YPEL2: variants seen among roughly 807,000 people sequenced by gnomAD.
The protein encoded by YPEL2 is protein yippee-like 2.
A neutral mutation model predicts 19.1 loss-of-function variants in YPEL2; 2 were observed. The observed-to-expected ratio is 0.10, with a 90% CI of 0.04 to 0.33. YPEL2 has a LOEUF of 0.33. Ranked by LOEUF, YPEL2 falls within the 10% of genes least tolerant of loss-of-function variation. The pLI, the probability that YPEL2 is intolerant of heterozygous loss-of-function variation, is 1.00. For missense variants in YPEL2, 66 were observed against 140.7 expected (o/e 0.47, Z 2.68); for synonymous variants, 52 against 50.0 (o/e 1.04, Z -0.17).
At chr17:59,382,460 A>G (rs561163754) in intron 2 of YPEL2, among the ~76,000 whole-genome samples, 1 of 152,088 alleles carries the variant, frequency 6.6e-6, no homozygotes, top group Non-Finnish European at 1.5e-5. Context: ...GCAGACAGAA[A>G]CCCCCAGAAC....
intron 1 of YPEL2, among the ~76,000 whole-genome samples, chr17:59,339,084 G>A (rs1046196174): frequency 5.3e-5 from 8 of 151,484 alleles, no homozygotes; most frequent in African/African-American, 1.9e-4. Flanking sequence ...GCCCCTACAC[G>A]TCATCCAGGA....
rs546230276 is a variant in YPEL2, at chr17:59,350,167, C to T, written c.-195-3048C>T. Among the ~76,000 whole-genome samples, 158 of 151,488 alleles carry T rather than the reference C, an allele frequency of 1.0e-3. 1 individual carries two copies. The highest frequency in any genetic ancestry group is 3.5e-3 in the African/African-American group (143 of 41,290). On this transcript the variant is annotated intron_variant, in intron 1 of 4. Transcript: ENST00000312655. ...TGCACTGCAGTCTCAACCTCCTGGG[C>T]TCAAGTAATCCTCTGGCCTCAGCCT...
At chr17:59,382,853 G>A (rs1389541430) in intron 2 of YPEL2, among the ~76,000 whole-genome samples, 1 of 152,186 alleles carries the variant, frequency 6.6e-6, no homozygotes, top group Non-Finnish European at 1.5e-5. Context: ...GTGTTGACCA[G>A]GCTGGTCTCA....
At chr17:59,343,039 G>A (rs957441326) in intron 1 of YPEL2, among the ~76,000 whole-genome samples, 6 of 152,210 alleles carry the variant, frequency 3.9e-5, no homozygotes, top group African/African-American at 1.4e-4. Flanking sequence ...AAAAGCATCA[G>A]AGGCTTGTGT....
chr17:59,387,571 G>T (rs183866821), intron 2 of YPEL2, among the ~76,000 whole-genome samples: 17 of 152,266 alleles, frequency 1.1e-4, no homozygotes, highest in Non-Finnish European at 2.2e-4. Context: ...AACATGGACA[G>T]GGCCCGTGTT....
intron 2 of YPEL2, among the ~76,000 whole-genome samples, chr17:59,377,097 CTTTGGGAGTCGGTAGGT>C: frequency 6.6e-6 from 1 of 151,836 alleles, no homozygotes; most frequent in Middle Eastern, 3.4e-3. Flanking sequence ...GGAAGTCTTA[CTTTGGGAGTCGGTAGGT>C]TTTGCCCACT....
Position 59,353,735 on chromosome 17 carries a change from G to T in YPEL2, c.117+209G>T. 1 of 547,260 alleles carries T rather than the reference G, an allele frequency of 1.8e-6. No homozygotes were observed. Among genetic ancestry groups the T allele is most frequent in the East Asian group, 3.7e-5 (1 of 26,994 alleles). 33.9% of individuals were successfully genotyped at this position (547,260 alleles called of 1,614,324 possible). ...TAATTTGTTATTTTGGAAATGAGGT[G>T]TCATCCTTGTTGGAGGCTTTGGGAG... is the stretch of plus-strand genomic sequence containing the variant. On this transcript the variant is annotated intron_variant, in intron 2 of 4. Coordinates refer to ENST00000312655, the MANE Select transcript of YPEL2 (RefSeq NM_001005404.4). The surrounding 1 kb of genome is among the most constrained non-coding windows in gnomAD (Gnocchi z 4.8).
At chr17:59,393,834 G>T (rs563649074) in intron 4 of YPEL2, among the ~76,000 whole-genome samples, 17 of 151,478 alleles carry the variant, frequency 1.1e-4, no homozygotes, top group South Asian at 4.2e-4. Context: ...TTGGGGGTAA[G>T]GTCATAGATC....
chr17:59,348,006 A>G (rs2047765518), intron 1 of YPEL2, among the ~76,000 whole-genome samples: 1 of 151,824 alleles, frequency 6.6e-6, no homozygotes, highest in African/African-American at 2.4e-5. Context: ...TTTGGTGTGT[A>G]TTGTGCGCCA....
At chr17:59,374,709 G>A (rs1362194780) in intron 2 of YPEL2, among the ~76,000 whole-genome samples, 2 of 152,128 alleles carry the variant, frequency 1.3e-5, no homozygotes, top group African/African-American at 4.8e-5. Context: ...GGTCAGACCA[G>A]GCCACATAGG....
intron 1 of YPEL2, among the ~76,000 whole-genome samples, chr17:59,339,794 T>A (rs1274244786): frequency 6.6e-6 from 1 of 152,168 alleles, no homozygotes; most frequent in African/African-American, 2.4e-5. Context: ...GTCATCATCA[T>A]AATGCCTGTC....
At chr17:59,356,915 T>TGATC (rs1005762772) in intron 2 of YPEL2, among the ~76,000 whole-genome samples, 2 of 152,346 alleles carry the variant, frequency 1.3e-5, no homozygotes, top group African/African-American at 4.8e-5. Flanking sequence ...CCCAAAGGCC[T>TGATC]GATCTCCTAC....
chr17:59,353,145 G>T lies in YPEL2; in HGVS notation c.-195-70G>T. On this transcript the variant is annotated intron_variant, in intron 1 of 4. Coordinates refer to ENST00000312655, the MANE Select transcript of YPEL2 (RefSeq NM_001005404.4). This position sits in a 1 kb window ranked among gnomAD's most constrained non-coding sequence, Gnocchi z 4.8. ...GTTGCCTTCTTCATGGGTGGCAGTT[G>T]GATTCTGCTTGCTTTGTAGGGAGCC... 1 of 308,848 alleles carries T rather than the reference G, an allele frequency of 3.2e-6. No individual in the cohort carries two copies. The highest frequency in any genetic ancestry group is 8.1e-5 in the South Asian group (1 of 12,394). 19.1% of individuals were successfully genotyped at this position (308,848 alleles called of 1,614,324 possible).
intron 2 of YPEL2, among the ~76,000 whole-genome samples, chr17:59,374,512 A>G (rs1030309793): frequency 1.3e-5 from 2 of 152,208 alleles, no homozygotes; most frequent in African/African-American, 4.8e-5. Flanking sequence ...GGAAAGTCTG[A>G]TGTTGGACAA....
chr17:59,338,431 G>A (rs1186109705), intron 1 of YPEL2, among the ~76,000 whole-genome samples: 1 of 152,218 alleles, frequency 6.6e-6, no homozygotes, highest in African/African-American at 2.4e-5. Flanking sequence ...ATTCTGTTCA[G>A]GAGTACCTGA....
chr17:59,395,842 G>A (rs527794349), intron 4 of YPEL2, among the ~76,000 whole-genome samples: 1 of 152,150 alleles, frequency 6.6e-6, no homozygotes. Flanking sequence ...ACTTTGGGAG[G>A]CCTAGGCGGG....
At chr17:59,334,555 T>C (rs1323090710) in intron 1 of YPEL2, among the ~76,000 whole-genome samples, 2 of 140,124 alleles carry the variant, frequency 1.4e-5, no homozygotes, top group Non-Finnish European at 3.0e-5. Context: ...GATGCTGTTA[T>C]CTGCCTTCAG....
intron 1 of YPEL2, among the ~76,000 whole-genome samples, chr17:59,351,290 G>A (rs111891840): frequency 6.6e-6 from 1 of 152,102 alleles, no homozygotes; most frequent in African/African-American, 2.4e-5. Context: ...CAGGAGGATT[G>A]CTTGAACCCG....
At chr17:59,379,060 GTC>G (rs764969820) in intron 2 of YPEL2, among the ~76,000 whole-genome samples, 6 of 152,184 alleles carry the variant, frequency 3.9e-5, no homozygotes, top group Non-Finnish European at 7.3e-5. Context: ...ATTAACCCAA[GTC>G]TCTCTCATTT....
Sources: gnomAD v4.1 joint callset for allele counts (sites outside exome capture counted in the v4.1 genomes callset) on GRCh38, gnomAD v4.1.1 for gene constraint, Gnocchi (gnomAD v3.1) non-coding constraint, MANE v1.5 for transcripts, NCBI Gene and HGNC (gene_info 2026-07-23, HGNC 2026-07-21) for gene names.